Variants in RBPJL observed in about 807,000 individuals in gnomAD.
RBPJL encodes the protein recombining binding protein suppressor of hairless-like protein.
Under a neutral mutation model 57.6 loss-of-function variants are expected in RBPJL, and 50 were observed. The observed-to-expected ratio is 0.87, with a 90% CI of 0.69 to 1.10. The LOEUF (loss-of-function observed/expected upper bound fraction) is 1.10. RBPJL is among the 50% of genes least tolerant of loss of function. The pLI is 0.00. For synonymous variants in RBPJL, 303 were observed against 294.4 expected (o/e 1.03, Z -0.30); for missense variants, 684 against 693.7 (o/e 0.99, Z 0.16).
chr20:45,317,184 G>C lies in RBPJL; in HGVS notation c.*225G>C. Reference sequence around the variant, plus strand: ...CCTGAGTGGTGCTGTCTTTGTGTCCGTCGTGTATGGCTCTCCCTGTCTTCA... The same window carrying C: ...CCTGAGTGGTGCTGTCTTTGTGTCCCTCGTGTATGGCTCTCCCTGTCTTCA... On this transcript the variant is annotated 3_prime_UTR_variant, in exon 12 of 12. Coordinates refer to ENST00000343694, the MANE Select transcript of RBPJL (RefSeq NM_014276.4). The C allele has an allele frequency of 1.7e-6, 1 of 583,528 alleles. No homozygotes were observed. Among genetic ancestry groups the C allele is most frequent in the East Asian group, 2.9e-5 (1 of 34,846 alleles). 36.1% of individuals were successfully genotyped at this position (583,528 alleles called of 1,614,324 possible).
chr20:45,313,974 G>T, intron 7 of RBPJL, 61 bp from the exon 8 acceptor site: 1 of 1,241,420 alleles, frequency 8.1e-7, no homozygotes, highest in Non-Finnish European at 1.2e-6. Flanking sequence ...ACAAGGCAGG[G>T]TTTAAGGCAG....
rs752605848 is a variant in RBPJL at position 45,316,899 on chromosome 20, C to G, written c.1494C>G (p.Leu498=). ...AGCCCGCCACCGACGCCGACGCGCT[C>G]CTGGAGAGCATCCATCAGGAGTTCA... ...VPEPATDADA[L]LESIHQEFTR... Residue 498 remains leucine (L), a synonymous_variant, in exon 12 of 12, where the codon CTC becomes CTG. Coordinates refer to ENST00000343694, the MANE Select transcript of RBPJL (RefSeq NM_014276.4). 4.3e-6 allele frequency: 7 copies of G among 1,613,530 alleles called. No individual in the cohort carries two copies. The African/African-American group carries it at 8.0e-5, about 18-fold the overall frequency.
intron 6 of RBPJL, 150 bp from the exon 7 acceptor site, chr20:45,313,318 C>T (rs1253758706): frequency 1.8e-6 from 1 of 546,396 alleles, no homozygotes; most frequent in Non-Finnish European, 3.1e-6. Flanking sequence ...TCCTTACCCT[C>T]ACCCTCACTC....
intron 9 of RBPJL, chr20:45,315,983 A>C: frequency 2.5e-6 from 1 of 407,598 alleles, no homozygotes; most frequent in South Asian, 1.1e-4. Context: ...AGAAGAAAGA[A>C]GAAATCAGCT....
In RBPJL at chr20:45,316,483, G is replaced by A; in HGVS notation, c.1183G>A (p.Gly395Ser). 2 of 1,547,432 alleles carry A rather than the reference G, an allele frequency of 1.3e-6. No individual in the cohort carries two copies. The highest frequency in any genetic ancestry group is 1.7e-6 in the Non-Finnish European group (2 of 1,145,974). ...VPLISTLELSGGGDVATLELH... is the reference protein window; with the variant it reads ...VPLISTLELSSGGDVATLELH... The stretch of plus-strand genomic sequence containing the variant: ...TGGTCCCACCCTCCCCCAGCTGAGC[G>A]GCGGGGGCGACGTGGCCACGCTGGA... Residue 395 changes from glycine to serine, a missense_variant, in exon 11 of 12, where the codon GGC (glycine) becomes AGC (serine). Transcript: ENST00000343694.
At chr20:45,314,252 G>C (rs2145694438) in intron 8 of RBPJL, 108 bp downstream of exon 8, 2 of 1,241,070 alleles carry the variant, frequency 1.6e-6, no homozygotes, top group East Asian at 4.7e-5. Context: ...GGAGACACCT[G>C]TTCTCACCCA....
At chr20:45,313,666 C>T in intron 7 of RBPJL, 61 bp downstream of exon 7, 6 of 1,461,204 alleles carry the variant, frequency 4.1e-6, no homozygotes, top group Middle Eastern at 4.8e-4. Context: ...ATTTAACCTC[C>T]ACCACAACTC....
chr20:45,310,584 C>T (rs1177910230), intron 3 of RBPJL, among the ~76,000 whole-genome samples: 7 of 150,486 alleles, frequency 4.7e-5, no homozygotes, highest in Admixed American at 6.6e-5. Flanking sequence ...TCCAGCCTGG[C>T]GACAGAGCAA....
At position 45,316,708 on chromosome 20, in the gene RBPJL, G is replaced by A. The variant is rs1478751235; in HGVS notation, c.1303G>A (p.Val435Met). Residue 435 changes from valine to methionine, a missense_variant, in exon 12 of 12, where the codon GTG becomes ATG. By Grantham distance (21) the Val-to-Met change is conservative. Transcript: ENST00000343694. Reference sequence around the variant, plus strand: ...CAGGAGCCCGCGGTCCCTGGTGTGCGTGGTGCCGGACGTGGCGGCCTTCTG... The same window carrying A: ...CAGGAGCCCGCGGTCCCTGGTGTGCATGGTGCCGGACGTGGCGGCCTTCTG... Reference protein sequence around the residue: ...MYRSPRSLVCVVPDVAAFCSD... With the variant: ...MYRSPRSLVCMVPDVAAFCSD... The A allele has an allele frequency of 4.3e-6, 7 of 1,609,658 alleles. No homozygotes were observed. Among genetic ancestry groups the A allele is most frequent in the East Asian group, 4.5e-5 (2 of 44,678 alleles).
At chr20:45,309,532 C>T in intron 2 of RBPJL, 35 bp from the exon 3 acceptor site, 1 of 1,588,980 alleles carries the variant, frequency 6.3e-7, no homozygotes, top group Non-Finnish European at 8.6e-7. Context: ...CCTTCTCCCT[C>T]CTGTGGCTGG....
At chr20:45,316,618 G>A (rs1198836858) in intron 11 of RBPJL, 38 bp downstream of exon 11, 1 of 1,517,984 alleles carries the variant, frequency 6.6e-7, no homozygotes, top group South Asian at 1.3e-5. Context: ...GGGCCCCGGG[G>A]AGCAGGGGAA....
Position 45,314,580 on chromosome 20 carries a change from A to C in RBPJL, c.1020+15A>C. On this transcript the variant is annotated intron_variant, in intron 9 of 11. Coordinates refer to ENST00000343694, the MANE Select transcript of RBPJL (RefSeq NM_014276.4). ...TGCAATTTCAGGTAAGAAGCAGAGA[A>C]TACCAGCACCAAGTGTCCTGGAAAG... is the stretch of plus-strand genomic sequence containing the variant. 6 of 1,608,254 alleles carry C rather than the reference A, an allele frequency of 3.7e-6. No individual in the cohort carries two copies. The highest frequency in any genetic ancestry group is 5.1e-6 in the Non-Finnish European group (6 of 1,175,460).
intron 9 of RBPJL, among the ~76,000 whole-genome samples, chr20:45,315,570 C>T (rs895245271): frequency 6.6e-6 from 1 of 151,906 alleles, no homozygotes; most frequent in Non-Finnish European, 1.5e-5. Flanking sequence ...GAAACCCTGT[C>T]TCTACTAAAA....
intron 9 of RBPJL, chr20:45,315,844 A>G: frequency 4.3e-6 from 1 of 231,486 alleles, no homozygotes; most frequent in Non-Finnish European, 8.3e-6. Context: ...AAGAAAAGAA[A>G]AAGAGAAAGG....
chr20:45,309,442 C>T, intron 2 of RBPJL, 125 bp from the exon 3 acceptor site: 1 of 1,012,380 alleles, frequency 9.9e-7, no homozygotes, highest in Non-Finnish European at 1.4e-6. Context: ...TATAGAGCAG[C>T]CCCACCCTCC....
chr20:45,315,938 G>A, intron 9 of RBPJL: 1 of 389,892 alleles, frequency 2.6e-6, no homozygotes, highest in Non-Finnish European at 4.5e-6. Context: ...AGAAAAGGAA[G>A]GAAGGAAGGA....
At chr20:45,308,523 C>T in intron 2 of RBPJL, 1 of 488,986 alleles carries the variant, frequency 2.0e-6, no homozygotes. Context: ...ACCGGGGCAG[C>T]CACACTCCAC....
chr20:45,311,743 C>T (rs1987182205), intron 4 of RBPJL, 84 bp downstream of exon 4: 4 of 1,559,104 alleles, frequency 2.6e-6, no homozygotes, highest in Non-Finnish European at 3.5e-6. Flanking sequence ...GGTTCGCAGG[C>T]GCAGTCTCCC....
At chr20:45,314,955 C>T (rs752472822) in intron 9 of RBPJL, among the ~76,000 whole-genome samples, 85 of 152,110 alleles carry the variant, frequency 5.6e-4, no homozygotes, top group African/African-American at 1.9e-3. Flanking sequence ...TGGCAGTGGG[C>T]GCCTGTAATC....
Sources: gnomAD v4.1 joint callset for allele counts (sites outside exome capture counted in the v4.1 genomes callset) on GRCh38, gnomAD v4.1.1 for gene constraint, MANE v1.5 for transcripts, NCBI Gene and HGNC (gene_info 2026-07-23, HGNC 2026-07-21) for gene names.